The following MPPED2 variants were observed in gnomAD, a reference collection of about 807,000 sequenced individuals.
MPPED2 encodes the protein metallophosphoesterase domain containing 2.
A neutral mutation model predicts 33.0 loss-of-function variants in MPPED2; 5 were observed. That is an observed-to-expected ratio of 0.15 (90% CI 0.08 to 0.32). MPPED2 has a LOEUF of 0.32. Among genes scored for constraint, MPPED2 ranks in the 10% least tolerant of loss-of-function variants. The pLI is 1.00. For missense variants in MPPED2, 275 were observed against 372.1 expected (o/e 0.74, Z 2.15); for synonymous variants, 136 against 141.9 (o/e 0.96, Z 0.29).
intron 4 of MPPED2, among the ~76,000 whole-genome samples, chr11:30,436,973 G>A (rs1281107548): frequency 3.9e-5 from 6 of 152,198 alleles, no homozygotes; most frequent in African/African-American, 1.4e-4. Flanking sequence ...GGTGAATGCC[G>A]TGATGGCTGT....
chr11:30,579,408 G>A (rs1957069269), intron 2 of MPPED2, among the ~76,000 whole-genome samples: 2 of 152,108 alleles, frequency 1.3e-5, no homozygotes. Flanking sequence ...GTTAGACATT[G>A]GAAGGGTCTC....
chr11:30,503,626 G>A (rs546906799), intron 3 of MPPED2, among the ~76,000 whole-genome samples: 62 of 152,276 alleles, frequency 4.1e-4, no homozygotes, highest in Admixed American at 4.0e-3. Flanking sequence ...GTGAAAGAGA[G>A]CCTCCAAAAG....
At chr11:30,545,875 T>TA (rs1378037564) in intron 2 of MPPED2, among the ~76,000 whole-genome samples, 1,817 of 146,604 alleles carry the variant, frequency 0.012, 17 homozygotes, top group Non-Finnish European at 0.018. Context: ...ATATATATAT[T>TA]TTTTTTAGAC....
At chr11:30,500,074 T>C (rs748963618) in intron 3 of MPPED2, among the ~76,000 whole-genome samples, 1 of 152,176 alleles carries the variant, frequency 6.6e-6, no homozygotes, top group Non-Finnish European at 1.5e-5. Flanking sequence ...GATTTAACAA[T>C]GTACAGCCAA....
At chr11:30,545,973 C>A (rs527658634) in intron 2 of MPPED2, among the ~76,000 whole-genome samples, 1 of 152,298 alleles carries the variant, frequency 6.6e-6, no homozygotes, top group East Asian at 1.9e-4. Flanking sequence ...TATTCTCTTG[C>A]CTCAGCCTCC....
At chr11:30,553,608 G>A (rs998742762) in intron 2 of MPPED2, among the ~76,000 whole-genome samples, 7 of 152,150 alleles carry the variant, frequency 4.6e-5, no homozygotes, top group East Asian at 1.9e-4. Flanking sequence ...AATCTTCACC[G>A]TTCCTGTTAA....
At position 30,422,702 on chromosome 11, in the gene MPPED2, G is replaced by A. The variant is rs1948663685; in HGVS notation, c.537-5069C>T. 3.3e-5 allele frequency among the ~76,000 whole-genome samples: 5 copies of A among 152,252 alleles called. 1 individual carries two copies. The South Asian group carries it at 1.0e-3, about 32-fold the overall frequency. On this transcript the variant is annotated intron_variant, in intron 4 of 6. Coordinates refer to ENST00000358117, the MANE Select transcript of MPPED2 (RefSeq NM_001584.3). ...AACAATGTCTATTGCTTCAGCCAAAGGACTTAATAATTAGCTGTGACTAAC... is the reference window on the plus strand; with the variant it reads ...AACAATGTCTATTGCTTCAGCCAAAAGACTTAATAATTAGCTGTGACTAAC...
At chr11:30,445,532 T>C (rs923794130) in intron 4 of MPPED2, among the ~76,000 whole-genome samples, 1 of 152,216 alleles carries the variant, frequency 6.6e-6, no homozygotes, top group African/African-American at 2.4e-5. Flanking sequence ...TATACTCACA[T>C]TATTGTGCAA....
intron 2 of MPPED2, among the ~76,000 whole-genome samples, chr11:30,562,561 A>T (rs1320974700): frequency 6.6e-6 from 1 of 152,136 alleles, no homozygotes; most frequent in Admixed American, 6.5e-5. Context: ...ACGCCCAAAA[A>T]ATCTTATTTT....
intron 2 of MPPED2, among the ~76,000 whole-genome samples, chr11:30,554,338 T>G (rs1260744926): frequency 6.6e-6 from 1 of 152,206 alleles, no homozygotes; most frequent in African/African-American, 2.4e-5. Flanking sequence ...GGCTTCTGCC[T>G]CTTTCCTGTT....
At chr11:30,578,767 A>G (rs1053734340) in intron 2 of MPPED2, among the ~76,000 whole-genome samples, 2 of 152,224 alleles carry the variant, frequency 1.3e-5, no homozygotes, top group African/African-American at 4.8e-5. Context: ...TTACACAAAT[A>G]TTGTAACATA....
intron 4 of MPPED2, among the ~76,000 whole-genome samples, chr11:30,444,302 C>T (rs1398830325): frequency 6.6e-6 from 1 of 152,178 alleles, no homozygotes; most frequent in Non-Finnish European, 1.5e-5. Flanking sequence ...AGGGTTGTCA[C>T]TTTCAATTGC....
chr11:30,536,773 A>G (rs539166814), intron 2 of MPPED2, among the ~76,000 whole-genome samples: 2 of 151,764 alleles, frequency 1.3e-5, no homozygotes, highest in South Asian at 4.2e-4. Flanking sequence ...CCAAAATAAC[A>G]GAGCTTTAAA....
chr11:30,471,210 G>C (rs1206722330), intron 4 of MPPED2, among the ~76,000 whole-genome samples: 1 of 152,172 alleles, frequency 6.6e-6, no homozygotes, highest in African/African-American at 2.4e-5. Flanking sequence ...TTCAAAGTAA[G>C]ATCCTCAACA....
intron 4 of MPPED2, among the ~76,000 whole-genome samples, chr11:30,475,523 A>G (rs925454599): frequency 6.6e-6 from 1 of 152,120 alleles, no homozygotes; most frequent in African/African-American, 2.4e-5. Flanking sequence ...GTTCTCTAAA[A>G]TTGTATACAA....
chr11:30,438,847 C>G (rs1212272008), intron 4 of MPPED2, among the ~76,000 whole-genome samples: 1 of 152,220 alleles, frequency 6.6e-6, no homozygotes, highest in Non-Finnish European at 1.5e-5. Context: ...GCCACCCTAT[C>G]TCTTCTTTGG....
intron 3 of MPPED2, among the ~76,000 whole-genome samples, chr11:30,509,568 TAAATG>T (rs1388175025): frequency 2.6e-5 from 4 of 152,188 alleles, no homozygotes; most frequent in Non-Finnish European, 5.9e-5. Flanking sequence ...CCACTCTTTA[TAAATG>T]AGCCTACTGC....
chr11:30,519,141 G>T (rs897256054), intron 3 of MPPED2, among the ~76,000 whole-genome samples: 8 of 151,970 alleles, frequency 5.3e-5, no homozygotes, highest in African/African-American at 1.7e-4. Flanking sequence ...TATTAGCCAG[G>T]CATGGTGGTG....
At chr11:30,520,103 G>A (rs1016830055) in intron 3 of MPPED2, among the ~76,000 whole-genome samples, 3 of 152,046 alleles carry the variant, frequency 2.0e-5, no homozygotes, top group Admixed American at 6.6e-5. Flanking sequence ...TCATAAAAAC[G>A]GCAGCGAGAA....
Sources: gnomAD v4.1 joint callset for allele counts (sites outside exome capture counted in the v4.1 genomes callset) on GRCh38, gnomAD v4.1.1 for gene constraint, MANE v1.5 for transcripts, NCBI Gene and HGNC (gene_info 2026-07-23, HGNC 2026-07-21) for gene names.